The following CISD3 variants were observed in gnomAD, a reference collection of about 807,000 sequenced individuals.
CISD3 encodes the protein CDGSH iron sulfur domain 3.
CISD3 carries 11 observed loss-of-function variants against 14.1 expected under a neutral mutation model. That is an observed-to-expected ratio of 0.78 (90% CI 0.49 to 1.29). The LOEUF (loss-of-function observed/expected upper bound fraction) is 1.29. CISD3 is among the 50% of genes most tolerant of loss of function. The pLI is 0.00. For missense variants in CISD3, 156 were observed against 171.6 expected, an observed-to-expected ratio of 0.91 and a Z score of 0.51; for synonymous variants, 53 against 69.2, an observed-to-expected ratio of 0.77 and a Z score of 1.16.
intron 1 of CISD3, 94 bp from the exon 2 acceptor site, chr17:38,730,666 G>A: frequency 7.7e-7 from 1 of 1,300,766 alleles, no homozygotes; most frequent in Non-Finnish European, 1.1e-6. Flanking sequence ...CTCCTTCCTA[G>A]ATGGCCTCCC....
rs1446598777 is a variant in CISD3 at position 38,730,406 on chromosome 17, G to T, written c.48G>T (p.Arg16=). 1 of 1,223,764 alleles carries T rather than the reference G, an allele frequency of 8.2e-7. No homozygotes were observed. Among genetic ancestry groups the T allele is most frequent in the African/African-American group, 1.6e-5 (1 of 63,654 alleles). The allele number at this position is 1,223,764 out of a possible 1,614,324, so 75.8% of individuals were successfully genotyped here. The part of the protein sequence containing the change: ...AILRPAARGA[R]DLNPRRDISS... ...TGCGGCCGGCGGCGCGTGGTGCCCGGGTGAGCACCCCCGCCCTGCACCAGC... is the reference window on the plus strand; with the variant it reads ...TGCGGCCGGCGGCGCGTGGTGCCCGTGTGAGCACCCCCGCCCTGCACCAGC... Residue 16 remains arginine, a splice_region_variant and synonymous_variant, in exon 1 of 4, where the codon CGG becomes CGT. Coordinates refer to ENST00000613478, the MANE Select transcript of CISD3 (RefSeq NM_001136498.2).
chr17:38,733,394 A>T lies in CISD3; in HGVS notation c.323A>T (p.Tyr108Phe). Residue 108 changes from tyrosine to phenylalanine, a missense_variant, in exon 4 of 4, where the codon TAC becomes TTC. Transcript: ENST00000613478. ...TGCAAGGCCACTCAGAGGCCCCCGT[A>T]CTGCGATGGCACCCACAGGAGTGAG... ...CTCKATQRPP[Y>F]CDGTHRSERV... The T allele has an allele frequency of 6.4e-7, 1 of 1,551,636 alleles. No individual in the cohort carries two copies. Among genetic ancestry groups the T allele is most frequent in the Non-Finnish European group, 8.7e-7 (1 of 1,146,952 alleles).
intron 3 of CISD3, among the ~76,000 whole-genome samples, chr17:38,732,944 C>CACGTGTGT (rs1277915424): frequency 1.9e-5 from 2 of 107,204 alleles, no homozygotes; most frequent in Non-Finnish European, 4.4e-5. Flanking sequence ...CAGAGACACA[C>CACGTGTGT]ACACACACAC....
rs186544010 is a variant in CISD3, at chr17:38,730,802, C to G, written c.84+7C>G. On this transcript the variant is annotated splice_region_variant and intron_variant, in intron 2 of 3. Transcript: ENST00000613478. ...GGACATCTCCTCCTGGCTGGTGAGTCCCCCCATCCTCCCCTCCTCCTCGCA... is the reference window on the plus strand; with the variant it reads ...GGACATCTCCTCCTGGCTGGTGAGTGCCCCCATCCTCCCCTCCTCCTCGCA... 3.9e-5 allele frequency: 60 copies of G among 1,550,940 alleles called. No individual in the cohort carries two copies. Among genetic ancestry groups the G allele is most frequent in the Middle Eastern group, 3.3e-4 (2 of 5,990 alleles).
At chr17:38,732,754 G>T (rs918185673) in intron 3 of CISD3, among the ~76,000 whole-genome samples, 2 of 152,070 alleles carry the variant, frequency 1.3e-5, no homozygotes, top group Admixed American at 1.3e-4. Context: ...GTACACTTCT[G>T]TGCCAGCCAG....
rs768954307 is a variant in CISD3 at position 38,735,374 on chromosome 17, G to T, written c.*1919G>T. The T allele has an allele frequency of 1.9e-5, 29 of 1,564,332 alleles. No individual in the cohort carries two copies. Among genetic ancestry groups the T allele is most frequent in the Non-Finnish European group, 2.3e-5 (27 of 1,153,246 alleles). ...AGGGGGAGTGGGGGAGGTAGGGTGGGTGGCTGGAGGCCCATGGGAACTGGG... is the reference window on the plus strand; with the variant it reads ...AGGGGGAGTGGGGGAGGTAGGGTGGTTGGCTGGAGGCCCATGGGAACTGGG... On this transcript the variant is annotated 3_prime_UTR_variant, in exon 4 of 4. Transcript: ENST00000613478.
At position 38,731,445 on chromosome 17, in the gene CISD3, A is replaced by G; in HGVS notation, c.204+6A>G. ...GTGGCCGCAGCAAGAAGCAGGTGAG[A>G]CCCCTGTCTGCCTTCCTACTGATAC... On this transcript the variant is annotated splice_donor_region_variant and intron_variant, in intron 3 of 3. Coordinates refer to ENST00000613478, the MANE Select transcript of CISD3 (RefSeq NM_001136498.2). 2 of 1,551,256 alleles carry G rather than the reference A, an allele frequency of 1.3e-6. No individual in the cohort carries two copies. Among genetic ancestry groups the G allele is most frequent in the Non-Finnish European group, 1.7e-6 (2 of 1,146,846 alleles).
At position 38,733,621 on chromosome 17, in the gene CISD3, G is replaced by C; in HGVS notation, c.*166G>C. ...ATAACCTAAAAGTCTCCAGTCTGGG[G>C]CAGGCGGGAGTGGGCCCTGGTTCAA... On this transcript the variant is annotated 3_prime_UTR_variant, in exon 4 of 4. Coordinates refer to ENST00000613478, the MANE Select transcript of CISD3 (RefSeq NM_001136498.2). 2 of 739,320 alleles carry C rather than the reference G, an allele frequency of 2.7e-6. No individual in the cohort carries two copies. Among genetic ancestry groups the C allele is most frequent in the Non-Finnish European group, 4.1e-6 (2 of 486,314 alleles). The allele number at this position is 739,320 out of a possible 1,614,324, so 45.8% of individuals were successfully genotyped here.
rs538093990 is a variant in CISD3 at position 38,733,626 on chromosome 17, C to A, written c.*171C>A. ...CTAAAAGTCTCCAGTCTGGGGCAGG[C>A]GGGAGTGGGCCCTGGTTCAATGTTT... On this transcript the variant is annotated 3_prime_UTR_variant, in exon 4 of 4. Transcript: ENST00000613478. 205 of 683,184 alleles carry A rather than the reference C, an allele frequency of 3.0e-4. 4 individuals carry two copies. The South Asian group carries it at 4.7e-3, about 16-fold the overall frequency. The allele number at this position is 683,184 out of a possible 1,614,324, so 42.3% of individuals were successfully genotyped here.
Position 38,735,086 on chromosome 17 carries a change from T to C in CISD3, c.*1631T>C. ...GGTTTTTCCTATGTACATATATATA[T>C]ATATTTATTTATAAAACCCGCCCCC... On this transcript the variant is annotated 3_prime_UTR_variant, in exon 4 of 4. Coordinates refer to ENST00000613478, the MANE Select transcript of CISD3 (RefSeq NM_001136498.2). 1 of 516,442 alleles carries C rather than the reference T, an allele frequency of 1.9e-6. No individual in the cohort carries two copies. Among genetic ancestry groups the C allele is most frequent in the South Asian group, 6.7e-5 (1 of 14,880 alleles). The allele number at this position is 516,442 out of a possible 1,614,324, so 32.0% of individuals were successfully genotyped here.
Position 38,734,267 on chromosome 17 carries a change from G to A in CISD3, c.*812G>A, listed in dbSNP as rs569248571. On this transcript the variant is annotated 3_prime_UTR_variant, in exon 4 of 4. Transcript: ENST00000613478. ...ACCGGGCCTCAGCTGGGGGTGGAGG[G>A]GCAATTGGAAGGCTGTTTGCCTCTG... The A allele has an allele frequency of 3.3e-5, 5 of 152,830 alleles. No homozygotes were observed. Among genetic ancestry groups the A allele is most frequent in the African/African-American group, 1.2e-4 (5 of 41,514 alleles). The allele number at this position is 152,830 out of a possible 1,614,324, so 9.5% of individuals were successfully genotyped here. A position where few individuals can be genotyped will look rare whatever the true frequency, so the allele number is the denominator to read the frequency against.
Position 38,730,653 on chromosome 17 carries a change from C to T in CISD3, c.49-107C>T. ...TCCCTCGCCCCTTCAGCCCTGTCAC[C>T]TCCTCCTTCCTAGATGGCCTCCCGT... On this transcript the variant is annotated intron_variant, in intron 1 of 3. Coordinates refer to ENST00000613478, the MANE Select transcript of CISD3 (RefSeq NM_001136498.2). 2.6e-6 allele frequency: 3 copies of T among 1,170,500 alleles called. No individual in the cohort carries two copies. In the South Asian group the frequency reaches 4.0e-5, roughly 15 times the overall value. 72.5% of individuals were successfully genotyped at this position (1,170,500 alleles called of 1,614,324 possible).
intron 3 of CISD3, 123 bp from the exon 4 acceptor site, chr17:38,733,153 C>A: frequency 2.4e-6 from 2 of 823,694 alleles, no homozygotes; most frequent in Non-Finnish European, 3.8e-6. Flanking sequence ...TGAGCCTTGG[C>A]AGTCTTGCTC....
chr17:38,733,239 G>T, intron 3 of CISD3, 37 bp from the exon 4 acceptor site: 1 of 1,524,592 alleles, frequency 6.6e-7, no homozygotes. Flanking sequence ...CCCAGCAGGT[G>T]GGGTCAGGTC....
At chr17:38,732,462 C>T (rs1195489058) in intron 3 of CISD3, among the ~76,000 whole-genome samples, 1 of 152,096 alleles carries the variant, frequency 6.6e-6, no homozygotes, top group Non-Finnish European at 1.5e-5. Flanking sequence ...GTTGAGACCC[C>T]GCTTCTACAA....
At chr17:38,730,564 G>A (rs1284289214) in intron 1 of CISD3, 158 bp downstream of exon 1, 8 of 852,814 alleles carry the variant, frequency 9.4e-6, no homozygotes, top group Non-Finnish European at 1.5e-5. Flanking sequence ...CCGAGCGCCA[G>A]TCCCTGCCAG....
rs1055123650 is a variant in CISD3, at chr17:38,734,011, CA to C, written c.*557del. The C allele has an allele frequency of 1.3e-5, 2 of 152,830 alleles. No individual in the cohort carries two copies. The highest frequency in any genetic ancestry group is 4.8e-5 in the African/African-American group (2 of 41,448). The allele number at this position is 152,830 out of a possible 1,614,324, so 9.5% of individuals were successfully genotyped here. ...AAGGTGCAAACACAGACAAGCCCAT[CA>C]GGGGGCTCCCAACCCCACACACCTA... On this transcript the variant is annotated 3_prime_UTR_variant, in exon 4 of 4. Coordinates refer to ENST00000613478, the MANE Select transcript of CISD3 (RefSeq NM_001136498.2).
intron 3 of CISD3, 95 bp from the exon 4 acceptor site, chr17:38,733,181 C>T: frequency 8.3e-7 from 1 of 1,200,190 alleles, no homozygotes; most frequent in Non-Finnish European, 1.2e-6. Context: ...TGTACCCTAA[C>T]CACTGTGCTC....
Position 38,735,246 on chromosome 17 carries a change from C to T in CISD3, c.*1791C>T, listed in dbSNP as rs972720076. ...CCTCAAGTTAAGGGGGGCACGGGAG[C>T]GCCGTTGACAGTCATCTTGCGCCCC... On this transcript the variant is annotated 3_prime_UTR_variant, in exon 4 of 4. Transcript: ENST00000613478. 5 of 1,443,566 alleles carry T rather than the reference C, an allele frequency of 3.5e-6. No homozygotes were observed. Among genetic ancestry groups the T allele is most frequent in the African/African-American group, 2.8e-5 (2 of 70,454 alleles). 89.4% of individuals were successfully genotyped at this position (1,443,566 alleles called of 1,614,324 possible).
Sources: allele counts gnomAD v4.1 joint callset (sites outside exome capture counted in the v4.1 genomes callset), GRCh38; gene constraint gnomAD v4.1.1; transcripts MANE v1.5; gene names NCBI Gene and HGNC (gene_info 2026-07-23, HGNC 2026-07-21).